Variants in RRP15 observed in about 807,000 individuals in gnomAD.
RRP15 encodes the protein ribosomal RNA processing 15 homolog.
Under a neutral mutation model 27.1 loss-of-function variants are expected in RRP15, and 18 were observed. That is an observed-to-expected ratio of 0.66 (90% confidence interval 0.46 to 0.98). The LOEUF is 0.98. Among genes scored for constraint, RRP15 ranks in the 50% least tolerant of loss-of-function variants. RRP15 has a pLI of 0.00. For missense variants in RRP15, 359 were observed against 337.8 expected (o/e 1.06, Z -0.49); for synonymous variants, 107 against 109.4 (o/e 0.98, Z 0.14).
chr1:218,315,614 T>A (rs1043928876), intron 4 of RRP15, among the ~76,000 whole-genome samples: 1 of 151,288 alleles, frequency 6.6e-6, no homozygotes, highest in African/African-American at 2.4e-5. Context: ...TTATTTTATT[T>A]TTTTTTTTTT....
chr1:218,317,726 C>CTTTTTTT (rs34893347), intron 4 of RRP15, among the ~76,000 whole-genome samples: 3 of 119,786 alleles, frequency 2.5e-5, no homozygotes, highest in African/African-American at 6.5e-5. Flanking sequence ...GCCCCACACC[C>CTTTTTTT]TTTTTTTTTT....
At chr1:218,328,103 A>ATC (rs1656303079) in intron 4 of RRP15, among the ~76,000 whole-genome samples, 7 of 152,376 alleles carry the variant, frequency 4.6e-5, no homozygotes, top group African/African-American at 1.7e-4. Flanking sequence ...CACTTTAAGA[A>ATC]TCACTGATAC....
intron 4 of RRP15, among the ~76,000 whole-genome samples, chr1:218,321,332 G>A (rs1656185040): frequency 6.6e-6 from 1 of 152,200 alleles, no homozygotes; most frequent in Non-Finnish European, 1.5e-5. Context: ...TAAGCAGAAA[G>A]AGTTGTATAG....
chr1:218,299,098 A>G (rs1046256404), intron 1 of RRP15, among the ~76,000 whole-genome samples: 3 of 152,054 alleles, frequency 2.0e-5, no homozygotes, highest in Admixed American at 6.6e-5. Context: ...AGCCAGTTCT[A>G]TTTTCTGGTT....
chr1:218,315,039 A>G (rs1040382113), intron 4 of RRP15, among the ~76,000 whole-genome samples: 1 of 151,622 alleles, frequency 6.6e-6, no homozygotes, highest in African/African-American at 2.4e-5. Flanking sequence ...AGTGATTGCT[A>G]GACAATAATT....
rs555695124 is a variant in RRP15 at position 218,336,939 on chromosome 1, A to G, written c.*5848A>G. On this transcript the variant is annotated 3_prime_UTR_variant, in exon 5 of 5. Transcript: ENST00000366932. Reference sequence around the variant, plus strand: ...AGTTATATTTACACTGGACATTTTAAGAAATACCAGTGTTCGTTGTTAGAT... The same window carrying G: ...AGTTATATTTACACTGGACATTTTAGGAAATACCAGTGTTCGTTGTTAGAT... 2.0e-4 allele frequency: 30 copies of G among 152,340 alleles called. No homozygotes were observed. Among genetic ancestry groups the G allele is most frequent in the African/African-American group, 7.0e-4 (29 of 41,586 alleles). 9.4% of individuals were successfully genotyped at this position (152,340 alleles called of 1,614,324 possible). A position where few individuals can be genotyped will look rare whatever the true frequency, so the allele number is the denominator to read the frequency against.
chr1:218,306,684 A>G (rs1655905109), intron 3 of RRP15, among the ~76,000 whole-genome samples: 1 of 152,246 alleles, frequency 6.6e-6, no homozygotes. Flanking sequence ...AGCTACATTC[A>G]TTTGTAATTT....
chr1:218,302,276 T>A lies in RRP15; in HGVS notation c.140-18T>A, dbSNP rs1413072566. ...AGGATATTAAAGTTTAATTTGCCTT[T>A]ACTCTTTGGTTCTATAGGAAGCTGT... is the stretch of plus-strand genomic sequence containing the variant. On this transcript the variant is annotated intron_variant, in intron 1 of 4. Coordinates refer to ENST00000366932, the MANE Select transcript of RRP15 (RefSeq NM_016052.4). 1.9e-6 allele frequency: 3 copies of A among 1,594,906 alleles called. No individual in the cohort carries two copies. The Admixed American group carries it at 5.1e-5, about 27-fold the overall frequency.
At chr1:218,309,428 T>C (rs1323286283) in intron 4 of RRP15, among the ~76,000 whole-genome samples, 2 of 152,152 alleles carry the variant, frequency 1.3e-5, no homozygotes, top group Non-Finnish European at 2.9e-5. Context: ...CTCATGCCTG[T>C]AATCCCAGCA....
chr1:218,332,248 A>T lies in RRP15; in HGVS notation c.*1157A>T, dbSNP rs995680366. Reference sequence around the variant, plus strand: ...GAATTGATGCACTTAGACAACAAGTAATCTGCAGCAGAATATTGCATCCAA... The same window carrying T: ...GAATTGATGCACTTAGACAACAAGTTATCTGCAGCAGAATATTGCATCCAA... On this transcript the variant is annotated 3_prime_UTR_variant, in exon 5 of 5. Transcript: ENST00000366932. The T allele has an allele frequency of 1.3e-5, 2 of 152,162 alleles. No homozygotes were observed. The highest frequency in any genetic ancestry group is 2.9e-5 in the Non-Finnish European group (2 of 68,030). The allele number at this position is 152,162 out of a possible 1,614,324, so 9.4% of individuals were successfully genotyped here.
At chr1:218,301,081 G>A (rs1399779068) in intron 1 of RRP15, among the ~76,000 whole-genome samples, 1 of 152,168 alleles carries the variant, frequency 6.6e-6, no homozygotes, top group African/African-American at 2.4e-5. Context: ...GATAGGAAAA[G>A]TTTCAGCTAA....
intron 4 of RRP15, among the ~76,000 whole-genome samples, chr1:218,317,190 G>A (rs570092917): frequency 6.6e-6 from 1 of 152,350 alleles, no homozygotes; most frequent in African/African-American, 2.4e-5. Flanking sequence ...TGGGGATTAC[G>A]TGATACACAA....
chr1:218,291,425 A>G (rs1655637843), intron 1 of RRP15, among the ~76,000 whole-genome samples: 1 of 151,772 alleles, frequency 6.6e-6, no homozygotes, highest in Non-Finnish European at 1.5e-5. Flanking sequence ...AGCCTGGCTG[A>G]CAGAGTGAGA....
At chr1:218,321,142 G>C (rs1386868830) in intron 4 of RRP15, among the ~76,000 whole-genome samples, 1 of 152,136 alleles carries the variant, frequency 6.6e-6, no homozygotes, top group African/African-American at 2.4e-5. Flanking sequence ...TGAAATGAAA[G>C]CTGATTAACA....
intron 1 of RRP15, 113 bp from the exon 2 acceptor site, chr1:218,302,181 A>C (rs1655819569): frequency 4.1e-6 from 3 of 736,000 alleles, no homozygotes; most frequent in African/African-American, 1.8e-5. Context: ...TCAGAAAAGT[A>C]CCCCCCTTGC....
At chr1:218,325,347 T>C (rs1038499578) in intron 4 of RRP15, among the ~76,000 whole-genome samples, 3 of 152,212 alleles carry the variant, frequency 2.0e-5, no homozygotes, top group Non-Finnish European at 2.9e-5. Flanking sequence ...TTTTCTTCTT[T>C]TTGTTTTACT....
chr1:218,322,695 C>T lies in RRP15; in HGVS notation c.706-8253C>T, dbSNP rs149622733. On this transcript the variant is annotated intron_variant, in intron 4 of 4. Transcript: ENST00000366932. Reference sequence around the variant, plus strand: ...ACTAATTCTTAATTCTCTAGCTAGTCCTGCTGGCATTTATACATCTCTGTA... The same window carrying T: ...ACTAATTCTTAATTCTCTAGCTAGTTCTGCTGGCATTTATACATCTCTGTA... Among the ~76,000 whole-genome samples, 11 of 152,294 alleles carry T rather than the reference C, an allele frequency of 7.2e-5. No homozygotes were observed. The South Asian group carries it at 1.2e-3, about 17-fold the overall frequency.
intron 1 of RRP15, among the ~76,000 whole-genome samples, chr1:218,295,432 A>G (rs956493898): frequency 6.6e-6 from 1 of 152,212 alleles, no homozygotes; most frequent in Admixed American, 6.5e-5. Context: ...TGACTATAAA[A>G]CAATAAGGAA....
At chr1:218,297,309 GCATTC>G (rs1655736532) in intron 1 of RRP15, among the ~76,000 whole-genome samples, 1 of 152,026 alleles carries the variant, frequency 6.6e-6, no homozygotes, top group Admixed American at 6.6e-5. Context: ...AGTACCAGAG[GCATTC>G]CTTCCTTGTT....
Sources: gnomAD v4.1 joint callset for allele counts (sites outside exome capture counted in the v4.1 genomes callset) on GRCh38, gnomAD v4.1.1 for gene constraint, MANE v1.5 for transcripts, NCBI Gene and HGNC (gene_info 2026-07-23, HGNC 2026-07-21) for gene names.